SHCBP1L: variants seen among roughly 807,000 people sequenced by gnomAD.
SHCBP1L encodes the protein SHC binding and spindle associated 1 like, also known as testicular spindle-associated protein SHCBP1L.
SHCBP1L carries 67 observed loss-of-function variants against 62.5 expected under a neutral mutation model. That is an observed-to-expected ratio of 1.07 (90% CI 0.88 to 1.31). The LOEUF (loss-of-function observed/expected upper bound fraction) is 1.31, where lower values mean the gene tolerates loss of function less well. SHCBP1L is among the 40% of genes most tolerant of loss of function. SHCBP1L has a pLI of 0.00. For missense variants in SHCBP1L, 823 were observed against 809.8 expected (o/e 1.02, Z -0.20); for synonymous variants, 284 against 289.4 (o/e 0.98, Z 0.19).
At chr1:182,905,835 C>T (rs1043505235) in intron 6 of SHCBP1L, among the ~76,000 whole-genome samples, 186 bp from the exon 7 acceptor site, 1 of 152,146 alleles carries the variant, frequency 6.6e-6, no homozygotes, top group Non-Finnish European at 1.5e-5. Context: ...TCTTTACAAT[C>T]GTTCATCATT....
intron 2 of SHCBP1L, among the ~76,000 whole-genome samples, chr1:182,944,121 A>AAAATCAATAAAT (rs1651471007): frequency 7.5e-6 from 1 of 134,084 alleles, no homozygotes; most frequent in South Asian, 2.5e-4. Context: ...ACTACTTCTC[A>AAAATCAATAAAT]AAATAAATAA....
intron 5 of SHCBP1L, among the ~76,000 whole-genome samples, chr1:182,931,642 T>C (rs950603155): frequency 2.0e-5 from 3 of 152,146 alleles, no homozygotes; most frequent in South Asian, 2.1e-4. Context: ...TTCAGCAAAG[T>C]TGATCAAAAA....
intron 6 of SHCBP1L, among the ~76,000 whole-genome samples, chr1:182,923,155 C>A (rs992705922): frequency 6.6e-6 from 1 of 152,110 alleles, no homozygotes; most frequent in African/African-American, 2.4e-5. Context: ...TTCCTGCAAA[C>A]ACACAATCTC....
chr1:182,940,278 T>C, intron 3 of SHCBP1L, 51 bp downstream of exon 3: 1 of 1,489,486 alleles, frequency 6.7e-7, no homozygotes, highest in Non-Finnish European at 9.2e-7. Flanking sequence ...AACCTTCACA[T>C]TAACTTTTGG....
In SHCBP1L at chr1:182,904,393, T is replaced by A. The variant is rs1189444461; in HGVS notation, c.1374A>T (p.Glu458Asp). The part of the protein sequence containing the change: ...GKREEIMITS[E>D]PSRDSFVVSK... The stretch of plus-strand genomic sequence containing the variant: ...ACACCACAAAACTGTCACGAGAAGG[T>A]TCAGAAGTAATCATAATTTCCTCTC... The change falls in exon 8 of 10, where the codon GAA (glutamate) becomes GAT (aspartate). Residue 458 changes from glutamate to aspartate, a missense_variant. Physicochemically the swap from Glu to Asp is conservative, Grantham distance 45. Transcript: ENST00000367547. The A allele has an allele frequency of 6.2e-7, 1 of 1,614,178 alleles. No homozygotes were observed. Among genetic ancestry groups the A allele is most frequent in the South Asian group, 1.1e-5 (1 of 91,078 alleles).
Position 182,903,642 on chromosome 1 carries a change from C to T in SHCBP1L, c.1588-481G>A, listed in dbSNP as rs74889672. Among the ~76,000 whole-genome samples the T allele has an allele frequency of 1.0e-2, 1,516 of 152,128 alleles. 28 individuals are homozygous for T. The highest frequency in any genetic ancestry group is 0.035 in the African/African-American group (1,450 of 41,466). The stretch of plus-strand genomic sequence containing the variant: ...TCTTTGTGATTGTTATCTAAAGACT[C>T]AAGCTCTTAATTTTTAATTATTTAT... On this transcript the variant is annotated intron_variant, in intron 8 of 9. Transcript: ENST00000367547.
At position 182,924,915 on chromosome 1, in the gene SHCBP1L, AAAGGAAGG is replaced by A. The variant is rs767334544; in HGVS notation, c.1182+4724_1182+4731del. ...ACAAAGAGAGAGAGAGAAAGAAAGG[AAAGGAAGG>A]AAGGAAGGAAGGAAGAAAGAAAGAA... On this transcript the variant is annotated intron_variant, in intron 6 of 9. Transcript: ENST00000367547. Among the ~76,000 whole-genome samples, 406 of 89,290 alleles carry A rather than the reference AAAGGAAGG, an allele frequency of 4.5e-3. 3 individuals carry two copies. The highest frequency in any genetic ancestry group is 6.6e-3 in the Non-Finnish European group (296 of 45,042). The allele number at this position is 89,290 out of a possible 152,430, so 58.6% of individuals were successfully genotyped here. A position where few individuals can be genotyped will look rare whatever the true frequency, so the allele number is the denominator to read the frequency against.
At chr1:182,941,460 A>ATC (rs1651363353) in intron 2 of SHCBP1L, among the ~76,000 whole-genome samples, 1 of 152,144 alleles carries the variant, frequency 6.6e-6, no homozygotes, top group Non-Finnish European at 1.5e-5. Flanking sequence ...TTTGGAAGCA[A>ATC]ATTTTCTTTA....
chr1:182,942,362 T>C, intron 2 of SHCBP1L: 1 of 772,532 alleles, frequency 1.3e-6, no homozygotes, highest in Non-Finnish European at 2.4e-6. Flanking sequence ...GGGCTCTTCC[T>C]TGGCGGCCCC....
At chr1:182,952,227 TATATATATACAC>T (rs1315469960) in intron 1 of SHCBP1L, among the ~76,000 whole-genome samples, 5 of 61,928 alleles carry the variant, frequency 8.1e-5, no homozygotes, top group East Asian at 6.9e-4. Context: ...TATATATATA[TATATATATACAC>T]ACACACACAC....
At chr1:182,947,629 C>T (rs1651607850) in intron 2 of SHCBP1L, among the ~76,000 whole-genome samples, 1 of 152,182 alleles carries the variant, frequency 6.6e-6, no homozygotes, top group Non-Finnish European at 1.5e-5. Flanking sequence ...TCCTCTTCCT[C>T]CTTCTCCTCA....
intron 1 of SHCBP1L, among the ~76,000 whole-genome samples, chr1:182,952,235 T>TATATATAC (rs1651796265): frequency 1.9e-4 from 8 of 42,850 alleles, no homozygotes; most frequent in Non-Finnish European, 2.2e-4. Context: ...TATATATATA[T>TATATATAC]ACACACACAC....
chr1:182,943,191 A>C (rs1651429229), intron 2 of SHCBP1L, among the ~76,000 whole-genome samples: 1 of 151,494 alleles, frequency 6.6e-6, no homozygotes, highest in African/African-American at 2.4e-5. Flanking sequence ...ATCATAGCTC[A>C]CTGCAGCCTC....
At chr1:182,916,186 T>C (rs994410610) in intron 6 of SHCBP1L, among the ~76,000 whole-genome samples, 1 of 151,786 alleles carries the variant, frequency 6.6e-6, no homozygotes, top group African/African-American at 2.4e-5. Flanking sequence ...TAAATGAAAA[T>C]GAAAACACAA....
intron 6 of SHCBP1L, among the ~76,000 whole-genome samples, chr1:182,907,672 G>A (rs1451965986): frequency 2.6e-5 from 4 of 151,566 alleles, no homozygotes; most frequent in South Asian, 2.1e-4. Context: ...GCAACCTCCC[G>A]GGTTCAAGTG....
intron 2 of SHCBP1L, among the ~76,000 whole-genome samples, chr1:182,944,121 A>AAAATAAATAAATAAATAAAT (rs147108848): frequency 0.07 from 9,408 of 133,934 alleles, 477 homozygotes; most frequent in East Asian, 0.14. Flanking sequence ...ACTACTTCTC[A>AAAATAAATAAATAAATAAAT]AAATAAATAA....
intron 6 of SHCBP1L, among the ~76,000 whole-genome samples, chr1:182,914,228 T>G (rs1650283252): frequency 6.6e-6 from 1 of 152,156 alleles, no homozygotes; most frequent in African/African-American, 2.4e-5. Flanking sequence ...ATAAAAAAAG[T>G]TAGGCCTATC....
In SHCBP1L at chr1:182,930,653, ATGTGTGTGTGTG is replaced by A. The variant is rs1182783771; in HGVS notation, c.1077-913_1077-902del. Among the ~76,000 whole-genome samples the A allele has an allele frequency of 6.4e-3, 159 of 24,656 alleles. 5 individuals are homozygous for A. The highest frequency in any genetic ancestry group is 0.021 in the African/African-American group (151 of 7,120). 16.2% of individuals were successfully genotyped at this position (24,656 alleles called of 152,430 possible). A position where few individuals can be genotyped will look rare whatever the true frequency, so the allele number is the denominator to read the frequency against. On this transcript the variant is annotated intron_variant, in intron 5 of 9. Coordinates refer to ENST00000367547, the MANE Select transcript of SHCBP1L (RefSeq NM_030933.4). ...AAGACAGGGTCTTGCCCTGGAGTAT[ATGTGTGTGTGTG>A]TGTGTGTGTGTGTGTGTGTGTGTGT... is the stretch of plus-strand genomic sequence containing the variant.
intron 6 of SHCBP1L, among the ~76,000 whole-genome samples, chr1:182,924,980 A>AGAAAG (rs1650691623): frequency 6.8e-6 from 1 of 147,456 alleles, no homozygotes; most frequent in Admixed American, 6.7e-5. Flanking sequence ...GAAAGAAAAA[A>AGAAAG]AAAGGAAGAA....
Sources: allele counts gnomAD v4.1 joint callset (sites outside exome capture counted in the v4.1 genomes callset), GRCh38; gene constraint gnomAD v4.1.1; transcripts MANE v1.5; gene names NCBI Gene and HGNC (gene_info 2026-07-23, HGNC 2026-07-21).